SMIM23: variants seen among roughly 807,000 people sequenced by gnomAD.
SMIM23 encodes the protein small integral membrane protein 23, also known as CTB-78H18.1.
A neutral mutation model predicts 12.8 loss-of-function variants in SMIM23; 10 were observed. The observed-to-expected ratio is 0.78, with a 90% CI of 0.48 to 1.32. The LOEUF is 1.32. Ranked by LOEUF, SMIM23 falls within the 40% of genes most tolerant of loss-of-function variation. SMIM23 has a pLI of 0.00. For synonymous variants in SMIM23, 78 were observed against 80.1 expected (o/e 0.97, Z 0.14); for missense variants, 184 against 198.2 (o/e 0.93, Z 0.43).
intron 1 of SMIM23, among the ~76,000 whole-genome samples, chr5:171,788,438 T>C (rs1419045728): frequency 1.3e-5 from 2 of 152,058 alleles, no homozygotes; most frequent in African/African-American, 4.8e-5. Context: ...AAAACACAAG[T>C]TACCAATATC....
At chr5:171,781,728 G>T (rs1474972290), upstream of SMIM23, among the ~76,000 whole-genome samples, 2 of 152,150 alleles carry the variant, frequency 1.3e-5, no homozygotes, top group African/African-American at 4.8e-5. Context: ...AATGCCACAC[G>T]CACCAATCTG....
chr5:171,784,124 A>T (rs1481347006), upstream of SMIM23, among the ~76,000 whole-genome samples: 1 of 152,194 alleles, frequency 6.6e-6, no homozygotes, highest in East Asian at 1.9e-4. Context: ...AAAAGAAAAG[A>T]TGTTAAACAT....
At chr5:171,786,445 C>A (rs1044527490) in intron 1 of SMIM23, among the ~76,000 whole-genome samples, 1 of 152,172 alleles carries the variant, frequency 6.6e-6, no homozygotes, top group Non-Finnish European at 1.5e-5. Context: ...CTATCAACCT[C>A]GTTCACAGAG....
the SMIM23 span, among the ~76,000 whole-genome samples, chr5:171,776,070 C>T: frequency 6.6e-6 from 1 of 152,168 alleles, no homozygotes; most frequent in Non-Finnish European, 1.5e-5. Flanking sequence ...GGGGTTTCGC[C>T]ATGTTGGCCA....
In SMIM23 at chr5:171,791,042, G is replaced by A. The variant is rs1261774847; in HGVS notation, c.473G>A (p.Gly158Asp). Residue 158 changes from glycine (G) to aspartate (D), a missense_variant, in exon 4 of 4, where the codon GGT becomes GAT. By Grantham distance (94) the Gly-to-Asp change is moderately conservative. Coordinates refer to ENST00000523047, the MANE Select transcript of SMIM23 (RefSeq NM_001289970.2). The part of the protein sequence containing the change: ...WAWALGREHK[G>D]GEGLLEISLS... ...TGGGCCCTGGGGAGAGAGCACAAAG[G>A]TGGGGAGGGGTTGCTAGAGATTTCT... 1 of 1,527,402 alleles carries A rather than the reference G, an allele frequency of 6.5e-7. No homozygotes were observed. The highest frequency in any genetic ancestry group is 8.8e-7 in the Non-Finnish European group (1 of 1,142,640). The allele number at this position is 1,527,402 out of a possible 1,614,324, so 94.6% of individuals were successfully genotyped here. A position where few individuals can be genotyped will look rare whatever the true frequency, so the allele number is the denominator to read the frequency against.
the SMIM23 span, among the ~76,000 whole-genome samples, chr5:171,775,042 G>A: frequency 1.3e-5 from 2 of 152,098 alleles, no homozygotes; most frequent in South Asian, 2.1e-4. Context: ...TGCCATACAC[G>A]GATGTTTTGA....
upstream of SMIM23, among the ~76,000 whole-genome samples, chr5:171,783,701 T>C (rs1755763768): frequency 6.6e-6 from 1 of 152,192 alleles, no homozygotes; most frequent in Admixed American, 6.5e-5. Flanking sequence ...GAAAAAGTGA[T>C]AGACTGGATC....
At chr5:171,772,661 T>A in the SMIM23 span, among the ~76,000 whole-genome samples, 151 of 152,220 alleles carry the variant, frequency 9.9e-4, no homozygotes, top group African/African-American at 3.5e-3. Flanking sequence ...GCAGCGAGAC[T>A]CCTGAGAACG....
At chr5:171,782,713 C>G (rs1341875939), upstream of SMIM23, 1 of 152,246 alleles carries the variant, frequency 6.6e-6, no homozygotes, top group Middle Eastern at 3.2e-3. Context: ...TTCCTGGCCT[C>G]TCAGAGCCTG....
At chr5:171,778,097 T>C (rs9313561), upstream of SMIM23, among the ~76,000 whole-genome samples, 24,643 of 152,194 alleles carry the variant, frequency 0.16, 2,384 homozygotes, top group African/African-American at 0.26. Context: ...CAGTGGCTCA[T>C]GCCTGTAATC....
chr5:171,789,851 T>C (rs1286336437), intron 1 of SMIM23, among the ~76,000 whole-genome samples: 1 of 152,176 alleles, frequency 6.6e-6, no homozygotes, highest in African/African-American at 2.4e-5. Flanking sequence ...TACATCTTGA[T>C]TGGGGTGATA....
rs1170561355 is a variant in SMIM23 at position 171,790,488 on chromosome 5, G to T, written c.164G>T (p.Ser55Ile). ...LYLSTEIWGS[S>I]WEVSERIREC... ...ATGTTTGTGCCTGTTTCAGGAAGCA[G>T]TTGGGAGGTGTCAGAAAGGATCAGA... Residue 55 changes from serine to isoleucine, a missense_variant, in exon 3 of 4, where the codon AGT becomes ATT. Physicochemically the swap from Ser to Ile is moderately radical, Grantham distance 142. Coordinates refer to ENST00000523047, the MANE Select transcript of SMIM23 (RefSeq NM_001289970.2). 1 of 1,536,768 alleles carries T rather than the reference G, an allele frequency of 6.5e-7. No individual in the cohort carries two copies. The highest frequency in any genetic ancestry group is 1.2e-5 in the South Asian group (1 of 84,064).
At chr5:171,779,651 A>C (rs1331839552), upstream of SMIM23, among the ~76,000 whole-genome samples, 1 of 152,126 alleles carries the variant, frequency 6.6e-6, no homozygotes, top group Non-Finnish European at 1.5e-5. Context: ...CATCTCTATC[A>C]GTTTTCTGGA....
chr5:171,777,055 C>CT, the SMIM23 span, among the ~76,000 whole-genome samples: 128 of 141,406 alleles, frequency 9.1e-4, no homozygotes, highest in East Asian at 3.9e-3. Context: ...CTTCCCCCTC[C>CT]TTTTTTTTTT....
chr5:171,790,562 G>A lies in SMIM23; in HGVS notation c.225+13G>A. 2.6e-6 allele frequency: 4 copies of A among 1,536,218 alleles called. No individual in the cohort carries two copies. Among genetic ancestry groups the A allele is most frequent in the Non-Finnish European group, 3.5e-6 (4 of 1,146,560 alleles). On this transcript the variant is annotated intron_variant, in intron 3 of 3. Transcript: ENST00000523047. ...TGCAGTTCCCCAGGTAACATGTCCA[G>A]CAAGGTACTGAGGTGAGGCAATCTG...
upstream of SMIM23, among the ~76,000 whole-genome samples, chr5:171,778,344 G>A (rs550261754): frequency 1.0e-4 from 15 of 149,324 alleles, no homozygotes; most frequent in African/African-American, 2.2e-4. Flanking sequence ...GTGACAGAGC[G>A]AGACTCCATC....
chr5:171,781,196 G>T (rs745553557), upstream of SMIM23, among the ~76,000 whole-genome samples: 45 of 152,252 alleles, frequency 3.0e-4, no homozygotes, highest in Non-Finnish European at 4.7e-4. Context: ...ATGAAAAGCA[G>T]CCCCCAATTA....
upstream of SMIM23, among the ~76,000 whole-genome samples, chr5:171,779,302 T>C (rs192294617): frequency 4.1e-4 from 63 of 152,344 alleles, no homozygotes; most frequent in Admixed American, 2.9e-3. Flanking sequence ...ACACGTGTTA[T>C]GATTTTGCCA....
chr5:171,790,465 GT>G lies in SMIM23; in HGVS notation c.158-14del. The G allele has an allele frequency of 1.3e-6, 2 of 1,536,558 alleles. No individual in the cohort carries two copies. Among genetic ancestry groups the G allele is most frequent in the Non-Finnish European group, 1.7e-6 (2 of 1,146,906 alleles). ...TGCTCATTTGCTCTTCAGAGGTGAT[GT>G]TTGTGCCTGTTTCAGGAAGCAGTTG... On this transcript the variant is annotated splice_polypyrimidine_tract_variant and intron_variant, in intron 2 of 3. Coordinates refer to ENST00000523047, the MANE Select transcript of SMIM23 (RefSeq NM_001289970.2).
Sources: gnomAD v4.1 joint callset for allele counts (sites outside exome capture counted in the v4.1 genomes callset) on GRCh38, gnomAD v4.1.1 for gene constraint, MANE v1.5 for transcripts, NCBI Gene and HGNC (gene_info 2026-07-23, HGNC 2026-07-21) for gene names.